Variants in PTPRT observed in about 807,000 individuals in gnomAD.
PTPRT encodes receptor-type tyrosine-protein phosphatase T.
In PTPRT, 56 loss-of-function variants were observed where a neutral mutation model predicts 176.8. The ratio of observed to expected loss-of-function variants is 0.32; its 90% CI spans 0.26 to 0.40. The LOEUF is 0.40. Among genes scored for constraint, PTPRT ranks in the 10% least tolerant of loss-of-function variants. PTPRT has a pLI of 1.00. For synonymous variants in PTPRT, 783 were observed against 739.0 expected, an observed-to-expected ratio of 1.06 and a Z score of -0.96; for missense variants, 1,540 against 1,908.2, an observed-to-expected ratio of 0.81 and a Z score of 3.60.
At chr20:42,838,503 CATTGGAGGACCA>C (rs1384469337) in intron 2 of PTPRT, among the ~76,000 whole-genome samples, 1 of 152,180 alleles carries the variant, frequency 6.6e-6, no homozygotes. Context: ...AAACACTGGA[CATTGGAGGACCA>C]GTTGGGGATC....
At chr20:42,379,678 G>A (rs2058681746) in intron 9 of PTPRT, among the ~76,000 whole-genome samples, 1 of 152,228 alleles carries the variant, frequency 6.6e-6, no homozygotes, top group African/African-American at 2.4e-5. Context: ...GAAACAGACT[G>A]GCCGAGGCTT....
At chr20:42,750,052 T>C (rs746212551) in intron 6 of PTPRT, among the ~76,000 whole-genome samples, 10 of 152,266 alleles carry the variant, frequency 6.6e-5, no homozygotes, top group East Asian at 1.9e-4. Flanking sequence ...GACAGTACAA[T>C]GTAAGTAAAG....
chr20:42,861,569 A>T (rs1052072483), intron 2 of PTPRT, among the ~76,000 whole-genome samples: 1 of 152,204 alleles, frequency 6.6e-6, no homozygotes, highest in African/African-American at 2.4e-5. Context: ...AACTAAATAA[A>T]ACAAAACAGA....
chr20:42,505,207 T>C (rs1295899124), intron 7 of PTPRT, among the ~76,000 whole-genome samples: 1 of 152,152 alleles, frequency 6.6e-6, no homozygotes, highest in East Asian at 1.9e-4. Flanking sequence ...ACGACTTCAT[T>C]CTTTTAATTA....
chr20:43,127,962 T>A (rs1456542757), intron 1 of PTPRT, among the ~76,000 whole-genome samples: 1 of 152,210 alleles, frequency 6.6e-6, no homozygotes, highest in Non-Finnish European at 1.5e-5. Context: ...ATCTGGATAC[T>A]TGGAGATACT....
Position 42,102,157 on chromosome 20 carries a change from T to G in PTPRT, c.3681A>C (p.Glu1227Asp). Reference sequence around the variant, plus strand: ...GTGCTGCGTTGATGTAATTGCTGGATTCTCCGTCCACTGAGATAAGGAAGG... The same window carrying G: ...GTGCTGCGTTGATGTAATTGCTGGAGTCTCCGTCCACTGAGATAAGGAAGG... ...CLPFLISVDG[E>D]SSNYINAALM... is the part of the protein sequence containing the mutation. Residue 1227 changes from glutamate to aspartate, a missense_variant, in exon 26 of 31, where the codon GAA (glutamate) becomes GAC (aspartate). Transcript: ENST00000373187. 1 of 1,614,162 alleles carries G rather than the reference T, an allele frequency of 6.2e-7. No homozygotes were observed. The highest frequency in any genetic ancestry group is 8.5e-7 in the Non-Finnish European group (1 of 1,179,998).
At chr20:42,652,988 G>A (rs1158939233) in intron 7 of PTPRT, among the ~76,000 whole-genome samples, 1 of 152,104 alleles carries the variant, frequency 6.6e-6, no homozygotes, top group Admixed American at 6.5e-5. Context: ...GCTCTGTACT[G>A]GGAACCCAGC....
At chr20:42,546,122 TAAAAG>T (rs2072669374) in intron 7 of PTPRT, among the ~76,000 whole-genome samples, 1 of 152,194 alleles carries the variant, frequency 6.6e-6, no homozygotes, top group Non-Finnish European at 1.5e-5. Flanking sequence ...TTTGCACTGA[TAAAAG>T]AAAATCTTCA....
At chr20:42,357,680 A>G (rs567726053) in intron 9 of PTPRT, among the ~76,000 whole-genome samples, 1 of 152,234 alleles carries the variant, frequency 6.6e-6, no homozygotes, top group Non-Finnish European at 1.5e-5. Context: ...AGGCTAAGGC[A>G]GGAGGATTAT....
intron 13 of PTPRT, chr20:42,270,370 C>T: frequency 2.7e-6 from 4 of 1,459,928 alleles, no homozygotes; most frequent in East Asian, 4.9e-5. Context: ...CTCTCCCCTC[C>T]CACCCGCCCA....
chr20:42,452,975 C>A (rs1283759858), intron 8 of PTPRT, among the ~76,000 whole-genome samples: 1 of 152,120 alleles, frequency 6.6e-6, no homozygotes, highest in Non-Finnish European at 1.5e-5. Context: ...CATCTTACTA[C>A]CATATTAAAT....
At chr20:42,311,050 T>G (rs921822085) in intron 12 of PTPRT, among the ~76,000 whole-genome samples, 1 of 152,174 alleles carries the variant, frequency 6.6e-6, no homozygotes, top group African/African-American at 2.4e-5. Context: ...ATGCTGATAA[T>G]AGTAAACATT....
chr20:43,021,832 G>A (rs1401776764), intron 1 of PTPRT, among the ~76,000 whole-genome samples: 1 of 147,764 alleles, frequency 6.8e-6, no homozygotes, highest in East Asian at 2.0e-4. Flanking sequence ...AAAGGCTACA[G>A]GCATTGAGTC....
chr20:42,442,567 C>T (rs971914052), intron 9 of PTPRT, among the ~76,000 whole-genome samples: 3 of 152,270 alleles, frequency 2.0e-5, no homozygotes, highest in Admixed American at 2.0e-4. Flanking sequence ...GATTTATACA[C>T]TGTAATTAGA....
intron 27 of PTPRT, among the ~76,000 whole-genome samples, chr20:42,095,938 GCTGCCTTCCC>G (rs1399177851): frequency 1.8e-4 from 27 of 152,162 alleles, no homozygotes; most frequent in African/African-American, 6.5e-4. Flanking sequence ...TGCTCTTCTC[GCTGCCTTCCC>G]CTACCTTCCT....
chr20:43,102,923 T>A (rs2012454160), intron 1 of PTPRT, among the ~76,000 whole-genome samples: 1 of 150,856 alleles, frequency 6.6e-6, no homozygotes, highest in Admixed American at 6.6e-5. Context: ...GAGAGAAAAA[T>A]GAGAAAATAA....
At chr20:42,965,738 A>G (rs1210868712) in intron 1 of PTPRT, among the ~76,000 whole-genome samples, 2 of 152,198 alleles carry the variant, frequency 1.3e-5, no homozygotes, top group Non-Finnish European at 1.5e-5. Flanking sequence ...AAAACTTAAC[A>G]TGGCACTGAT....
intron 1 of PTPRT, among the ~76,000 whole-genome samples, chr20:43,146,209 C>T (rs560168481): frequency 5.3e-5 from 8 of 152,222 alleles, no homozygotes; most frequent in Admixed American, 2.0e-4. Context: ...TAAATATTAC[C>T]TCTCTGTATT....
intron 7 of PTPRT, among the ~76,000 whole-genome samples, chr20:42,620,442 G>A (rs2074170615): frequency 6.7e-6 from 1 of 149,516 alleles, no homozygotes; most frequent in Admixed American, 6.6e-5. Flanking sequence ...AGGCAGGCAG[G>A]CCTCCTAGAG....
Sources: allele counts gnomAD v4.1 joint callset (sites outside exome capture counted in the v4.1 genomes callset), GRCh38; gene constraint gnomAD v4.1.1; transcripts MANE v1.5; gene names NCBI Gene and HGNC (gene_info 2026-07-23, HGNC 2026-07-21).